DAZL: variants seen among roughly 807,000 people sequenced by gnomAD.
The protein encoded by DAZL is deleted in azoospermia-like.
In DAZL, 4 loss-of-function variants were observed where a neutral mutation model predicts 45.0. The observed-to-expected ratio is 0.09, with a 90% CI of 0.04 to 0.20. The LOEUF (loss-of-function observed/expected upper bound fraction) is 0.20, where lower values mean the gene tolerates loss of function less well. Among genes scored for constraint, DAZL ranks in the 10% least tolerant of loss-of-function variants. DAZL has a pLI of 1.00. For missense variants in DAZL, 326 were observed against 351.3 expected, an observed-to-expected ratio of 0.93 and a Z score of 0.58; for synonymous variants, 122 against 112.4, an observed-to-expected ratio of 1.09 and a Z score of -0.54.
At chr3:16,593,378 G>C (rs923013450) in intron 9 of DAZL, among the ~76,000 whole-genome samples, 1 of 151,986 alleles carries the variant, frequency 6.6e-6, no homozygotes, top group African/African-American at 2.4e-5. Flanking sequence ...CTCCTATCTT[G>C]CCCAGGGTGG....
At position 16,587,061 on chromosome 3, in the gene DAZL, A is replaced by T. The variant is rs572458883; in HGVS notation, c.*1599T>A. On this transcript the variant is annotated 3_prime_UTR_variant, in exon 11 of 11. Transcript: ENST00000399444. ...AAGCTGGAGATTTAATCACAGAATG[A>T]TATGTGTCAGAATGTTATAGCACCA... 3 of 152,150 alleles carry T rather than the reference A, an allele frequency of 2.0e-5. No individual in the cohort carries two copies. The South Asian group carries it at 6.2e-4, about 31-fold the overall frequency. The allele number at this position is 152,150 out of a possible 1,614,324, so 9.4% of individuals were successfully genotyped here.
At chr3:16,602,391 A>C (rs554125025) in intron 1 of DAZL, among the ~76,000 whole-genome samples, 1 of 152,346 alleles carries the variant, frequency 6.6e-6, no homozygotes, top group Non-Finnish European at 1.5e-5. Context: ...TCAACTTGTA[A>C]AGAAATAGAT....
intron 6 of DAZL, among the ~76,000 whole-genome samples, chr3:16,596,396 A>G (rs1694600093): frequency 6.6e-6 from 1 of 152,090 alleles, no homozygotes; most frequent in Admixed American, 6.6e-5. Flanking sequence ...TTGCAAATAA[A>G]GAATAGCTAG....
Position 16,595,403 on chromosome 3 carries a change from A to G in DAZL, c.499-18T>C. On this transcript the variant is annotated intron_variant, in intron 6 of 10. Transcript: ENST00000399444. ...GGATATGCCTGAAAATCAAGTTTAC[A>G]GAAAGAATGAATAATATAAAACATT... 6.9e-7 allele frequency: 1 copy of G among 1,440,512 alleles called. No individual in the cohort carries two copies. The highest frequency in any genetic ancestry group is 1.2e-5 in the South Asian group (1 of 81,028). The allele number at this position is 1,440,512 out of a possible 1,614,324, so 89.2% of individuals were successfully genotyped here.
intron 1 of DAZL, among the ~76,000 whole-genome samples, chr3:16,604,947 C>T (rs1212857444): frequency 6.6e-6 from 1 of 152,196 alleles, no homozygotes; most frequent in Admixed American, 6.5e-5. Flanking sequence ...TGCACGTGGC[C>T]GGCGAGGCAG....
At chr3:16,594,509 A>C (rs1370693091) in intron 8 of DAZL, 24 bp downstream of exon 8, 1 of 1,555,186 alleles carries the variant, frequency 6.4e-7, no homozygotes, top group Non-Finnish European at 8.8e-7. Context: ...AACAGGAATT[A>C]TATGTTTGGC....
intron 1 of DAZL, among the ~76,000 whole-genome samples, chr3:16,602,892 A>AT (rs1251728355): frequency 6.6e-6 from 1 of 152,138 alleles, no homozygotes; most frequent in Admixed American, 6.5e-5. Flanking sequence ...ACTACTATGT[A>AT]TTTTTTTCCA....
At chr3:16,596,548 A>G (rs1159091919) in intron 6 of DAZL, among the ~76,000 whole-genome samples, 2 of 152,012 alleles carry the variant, frequency 1.3e-5, no homozygotes, top group Non-Finnish European at 2.9e-5. Context: ...TAAGATAAAG[A>G]CAAAGTATAC....
At position 16,595,324 on chromosome 3, in the gene DAZL, T is replaced by C. The variant is rs754777205; in HGVS notation, c.560A>G (p.Tyr187Cys). The change falls in exon 7 of 11, where the codon TAT becomes TGT. Residue 187 changes from tyrosine to cysteine, a missense_variant. Tyr to Cys is a radical substitution (Grantham distance 194). Coordinates refer to ENST00000399444, the MANE Select transcript of DAZL (RefSeq NM_001351.4). ...TCCCTTTTAAATTACCTGATAATTA[T>C]ATACAGGCAACTGATATCCAGTGAT... ...QVITGYQLPV[Y>C]NYQMPPQWPV... is the part of the protein sequence containing the mutation. The C allele has an allele frequency of 1.5e-5, 23 of 1,552,224 alleles. No individual in the cohort carries two copies. In the Admixed American group the frequency reaches 3.0e-4, roughly 21 times the overall value.
chr3:16,603,006 A>G (rs1343588548), intron 1 of DAZL, among the ~76,000 whole-genome samples: 1 of 152,230 alleles, frequency 6.6e-6, no homozygotes, highest in Non-Finnish European at 1.5e-5. Flanking sequence ...TTCATTGATG[A>G]TTTTTAAAAG....
intron 2 of DAZL, 91 bp downstream of exon 2, chr3:16,598,361 G>C (rs1174837302): frequency 7.8e-6 from 12 of 1,534,424 alleles, no homozygotes; most frequent in Middle Eastern, 1.7e-4. Flanking sequence ...AAACCTCCAT[G>C]AAGTACAAAA....
rs184550486 is a variant in DAZL at position 16,603,266 on chromosome 3, C to A, written c.3+1937G>T. Among the ~76,000 whole-genome samples, 13 of 152,250 alleles carry A rather than the reference C, an allele frequency of 8.5e-5. No individual in the cohort carries two copies. The East Asian group carries it at 2.5e-3, about 29-fold the overall frequency. On this transcript the variant is annotated intron_variant, in intron 1 of 10. Coordinates refer to ENST00000399444, the MANE Select transcript of DAZL (RefSeq NM_001351.4). ...TTACCAAAGGGGTAAAGCGCTTTCACCCAGCAATTCCACTTACAGCAATTC... is the reference window on the plus strand; with the variant it reads ...TTACCAAAGGGGTAAAGCGCTTTCAACCAGCAATTCCACTTACAGCAATTC...
chr3:16,595,219 G>T, intron 7 of DAZL, 95 bp downstream of exon 7: 1 of 713,900 alleles, frequency 1.4e-6, no homozygotes, highest in Admixed American at 2.7e-5. Flanking sequence ...CATTTCACTA[G>T]TTTAAAATGA....
At chr3:16,601,521 T>C (rs1418464394) in intron 1 of DAZL, among the ~76,000 whole-genome samples, 1 of 152,192 alleles carries the variant, frequency 6.6e-6, no homozygotes, top group African/African-American at 2.4e-5. Flanking sequence ...AAATTCCTAC[T>C]GTATTTATAC....
intron 10 of DAZL, among the ~76,000 whole-genome samples, 159 bp from the exon 11 acceptor site, chr3:16,588,872 G>A (rs147960537): frequency 1.4e-3 from 220 of 152,004 alleles, no homozygotes; most frequent in Middle Eastern, 3.4e-3. Flanking sequence ...CTTGAACACT[G>A]GGATAACATA....
chr3:16,595,950 G>A (rs1051289247), intron 6 of DAZL, among the ~76,000 whole-genome samples: 9 of 151,284 alleles, frequency 5.9e-5, no homozygotes, highest in African/African-American at 1.7e-4. Flanking sequence ...CAGCATACAC[G>A]AATACACCCA....
intron 1 of DAZL, among the ~76,000 whole-genome samples, chr3:16,598,945 G>A (rs549019397): frequency 3.3e-5 from 5 of 151,918 alleles, no homozygotes; most frequent in East Asian, 1.9e-4. Flanking sequence ...CACCACGCCC[G>A]GCTAATTTTG....
intron 6 of DAZL, among the ~76,000 whole-genome samples, chr3:16,596,433 A>G (rs1204952136): frequency 1.3e-5 from 2 of 152,100 alleles, no homozygotes; most frequent in Admixed American, 1.3e-4. Flanking sequence ...AGAGAAGAAT[A>G]TACTAGACAG....
At chr3:16,595,186 A>AT in intron 7 of DAZL, 128 bp downstream of exon 7, 2 of 547,360 alleles carry the variant, frequency 3.7e-6, no homozygotes, top group Non-Finnish European at 6.5e-6. Flanking sequence ...TTCTAGACTA[A>AT]TTTTTTTCTT....
Sources: gnomAD v4.1 joint callset for allele counts (sites outside exome capture counted in the v4.1 genomes callset) on GRCh38, gnomAD v4.1.1 for gene constraint, MANE v1.5 for transcripts, NCBI Gene and HGNC (gene_info 2026-07-23, HGNC 2026-07-21) for gene names.